CENPP: variants seen among roughly 807,000 people sequenced by gnomAD.
CENPP encodes the protein centromere protein P.
A neutral mutation model predicts 35.6 loss-of-function variants in CENPP; 24 were observed. The observed-to-expected ratio is 0.67, with a 90% CI of 0.49 to 0.95. CENPP has a LOEUF of 0.95. Among genes scored for constraint, CENPP ranks in the 40% least tolerant of loss-of-function variants. CENPP has a pLI of 0.00. For missense variants in CENPP, 332 were observed against 345.3 expected (o/e 0.96, Z 0.31); for synonymous variants, 120 against 125.5 (o/e 0.96, Z 0.29).
chr9:92,348,210 C>T (rs970022387), intron 4 of CENPP, among the ~76,000 whole-genome samples: 2 of 151,334 alleles, frequency 1.3e-5, no homozygotes, highest in Non-Finnish European at 2.9e-5. Context: ...CCACCCACCA[C>T]GGCCTCCCAA....
intron 5 of CENPP, chr9:92,600,365 C>T: frequency 6.4e-7 from 1 of 1,564,474 alleles, no homozygotes; most frequent in South Asian, 1.2e-5. Context: ...TTAAAAATGC[C>T]ATTGGGATAT....
At chr9:92,352,538 T>TATATATATATATATATATATATAA (rs1464334295) in intron 4 of CENPP, among the ~76,000 whole-genome samples, 2 of 114,432 alleles carry the variant, frequency 1.7e-5, no homozygotes, top group Non-Finnish European at 3.4e-5. Context: ...TATATATATA[T>TATATATATATATATATATATATAA]AATATAACGG....
Position 92,552,200 on chromosome 9 carries a change from C to T in CENPP, c.565-59114C>T, listed in dbSNP as rs550278278. ...GATAGATCTATCATATACACACACA[C>T]ACACACACACACACACCCCACAGTT... On this transcript the variant is annotated intron_variant, in intron 5 of 7. Transcript: ENST00000375587. Among the ~76,000 whole-genome samples the T allele has an allele frequency of 1.4e-4, 20 of 147,332 alleles. No individual in the cohort carries two copies. The South Asian group carries it at 4.1e-3, about 30-fold the overall frequency.
rs372528915 is a variant in CENPP, at chr9:92,397,998, C to T, written c.564+18139C>T. ...TGTTCTTTCTAGCCTTCCACCTTTC[C>T]GTATTTGTAATGTTTCTCTGACAGT... On this transcript the variant is annotated intron_variant, in intron 5 of 7. Coordinates refer to ENST00000375587, the MANE Select transcript of CENPP (RefSeq NM_001012267.3). Among the ~76,000 whole-genome samples the T allele has an allele frequency of 8.5e-5, 13 of 152,256 alleles. No homozygotes were observed. The East Asian group carries it at 1.9e-3, about 23-fold the overall frequency.
At chr9:92,352,505 G>GTATAAATATATATA in intron 4 of CENPP, among the ~76,000 whole-genome samples, 2 of 49,766 alleles carry the variant, frequency 4.0e-5, no homozygotes, top group African/African-American at 1.8e-4. Context: ...GTGTGTGTGT[G>GTATAAATATATATA]TATACATATA....
chr9:92,379,622 C>T (rs1470980830), intron 4 of CENPP, 141 bp from the exon 5 acceptor site: 13 of 587,166 alleles, frequency 2.2e-5, no homozygotes, highest in South Asian at 1.9e-4. Flanking sequence ...AACACACACA[C>T]ACAAGTGCAA....
At chr9:92,474,961 T>C in intron 5 of CENPP, 2 of 1,497,260 alleles carry the variant, frequency 1.3e-6, no homozygotes, top group Non-Finnish European at 1.8e-6. Context: ...TTTAAATGGA[T>C]ATAATTCCTG....
chr9:92,517,927 CTG>C (rs774375073), intron 5 of CENPP: 281 of 1,602,370 alleles, frequency 1.8e-4, no homozygotes, highest in Non-Finnish European at 2.2e-4. Context: ...TTATCAGTAA[CTG>C]TGAATGGAAG....
intron 5 of CENPP, among the ~76,000 whole-genome samples, chr9:92,402,354 A>G (rs543227850): frequency 8.4e-4 from 128 of 152,318 alleles, no homozygotes; most frequent in African/African-American, 2.9e-3. Flanking sequence ...GAAAGTAGCA[A>G]TTATAACTGG....
intron 5 of CENPP, among the ~76,000 whole-genome samples, chr9:92,397,396 C>G (rs910843675): frequency 6.6e-6 from 1 of 152,100 alleles, no homozygotes; most frequent in African/African-American, 2.4e-5. Flanking sequence ...GGTGCCATCT[C>G]GTCTCACTGC....
At chr9:92,375,957 G>A (rs868758677) in intron 4 of CENPP, among the ~76,000 whole-genome samples, 4 of 150,614 alleles carry the variant, frequency 2.7e-5, no homozygotes, top group African/African-American at 9.8e-5. Context: ...ATATTATGAT[G>A]GGCAAAAAGG....
In CENPP at chr9:92,550,583, C is replaced by T. The variant is rs566951604; in HGVS notation, c.565-60731C>T. Among the ~76,000 whole-genome samples the T allele has an allele frequency of 2.0e-5, 3 of 151,590 alleles. No individual in the cohort carries two copies. In the East Asian group the frequency reaches 5.8e-4, roughly 29 times the overall value. On this transcript the variant is annotated intron_variant, in intron 5 of 7. Coordinates refer to ENST00000375587, the MANE Select transcript of CENPP (RefSeq NM_001012267.3). ...TTTAGACTTTGTTTGATTTCCTGTC[C>T]TGCTGTAGTAATATTCAGTCCAGGA...
chr9:92,462,802 G>A (rs955271518), intron 5 of CENPP, among the ~76,000 whole-genome samples: 2 of 152,164 alleles, frequency 1.3e-5, no homozygotes, highest in African/African-American at 2.4e-5. Flanking sequence ...CAGTATGTAA[G>A]GTAAAGGTTC....
At chr9:92,377,634 C>G (rs75843470) in intron 4 of CENPP, among the ~76,000 whole-genome samples, 1 of 152,086 alleles carries the variant, frequency 6.6e-6, no homozygotes, top group Non-Finnish European at 1.5e-5. Flanking sequence ...GTGATTCTGA[C>G]AGCTATGCAG....
At chr9:92,385,437 G>A in intron 5 of CENPP, 1 of 540,338 alleles carries the variant, frequency 1.9e-6, no homozygotes, top group Non-Finnish European at 3.2e-6. Flanking sequence ...TTCGAACGTA[G>A]ACATTCAGTC....
At chr9:92,386,172 G>T (rs1324495548) in intron 5 of CENPP, 8 of 1,458,982 alleles carry the variant, frequency 5.5e-6, no homozygotes, top group Non-Finnish European at 7.7e-6. Context: ...GGTAATTAGA[G>T]TCAGATATTG....
At chr9:92,555,214 ATTTTTTTTTTTTTTTTTTTT>A (rs34701393) in intron 5 of CENPP, among the ~76,000 whole-genome samples, 1 of 63,440 alleles carries the variant, frequency 1.6e-5, no homozygotes, top group African/African-American at 8.3e-5. Flanking sequence ...TTTTTTGGAA[ATTTTTTTTTTTTTTTTTTTT>A]TTTTTTTTTT....
At chr9:92,522,645 A>G (rs1215820925) in intron 5 of CENPP, 4 of 1,613,910 alleles carry the variant, frequency 2.5e-6, no homozygotes, top group Admixed American at 1.7e-5. Context: ...CCTCCATGCT[A>G]TAATCAAAGT....
At chr9:92,421,782 A>G (rs969335627) in intron 5 of CENPP, among the ~76,000 whole-genome samples, 17 of 152,194 alleles carry the variant, frequency 1.1e-4, no homozygotes, top group African/African-American at 4.1e-4. Flanking sequence ...AAGAGCAAAC[A>G]GCTTAGTGGA....
Sources: gnomAD v4.1 joint callset for allele counts (sites outside exome capture counted in the v4.1 genomes callset) on GRCh38, gnomAD v4.1.1 for gene constraint, MANE v1.5 for transcripts, NCBI Gene and HGNC (gene_info 2026-07-23, HGNC 2026-07-21) for gene names.